The following GAREM1 variants were observed in gnomAD, a reference collection of about 807,000 sequenced individuals.
GAREM1 encodes the protein GRB2-associated and regulator of MAPK protein 1.
In GAREM1, 26 loss-of-function variants were observed where a neutral mutation model predicts 71.3. The ratio of observed to expected loss-of-function variants is 0.36; its 90% CI spans 0.27 to 0.51. The LOEUF (loss-of-function observed/expected upper bound fraction) is 0.51, where lower values mean the gene tolerates loss of function less well. Ranked by LOEUF, GAREM1 falls within the 20% of genes least tolerant of loss-of-function variation. GAREM1 has a pLI of 0.95. For missense variants in GAREM1, 1,026 were observed against 1,103.1 expected (o/e 0.93, Z 0.99); for synonymous variants, 440 against 433.2 (o/e 1.02, Z -0.20).
intron 4 of GAREM1, among the ~76,000 whole-genome samples, chr18:32,285,852 C>T (rs1170135783): frequency 6.6e-6 from 1 of 152,136 alleles, no homozygotes; most frequent in Non-Finnish European, 1.5e-5. Flanking sequence ...TTTTTAAAAA[C>T]CCGGTTCTGC....
At chr18:32,284,692 T>C (rs1292696022) in intron 4 of GAREM1, among the ~76,000 whole-genome samples, 3 of 151,846 alleles carry the variant, frequency 2.0e-5, no homozygotes, top group Non-Finnish European at 4.4e-5. Flanking sequence ...ATGAAATACA[T>C]AGCTGAATTA....
rs147290662 is a variant in GAREM1, at chr18:32,287,728, T to G, written c.869A>C (p.Asn290Thr). ...TVVVCCVLRN[N>T]KILPMHFPLH... Reference sequence around the variant, plus strand: ...AGGAAAGTGCATGGGGAGGATCTTGTTGTTCCGCAGCACACAGCAAACCAC... The same window carrying G: ...AGGAAAGTGCATGGGGAGGATCTTGGTGTTCCGCAGCACACAGCAAACCAC... Residue 290 changes from asparagine (N) to threonine (T), a missense_variant, in exon 4 of 6, where the codon AAC becomes ACC. Coordinates refer to ENST00000269209, the MANE Select transcript of GAREM1 (RefSeq NM_001242409.2). This position sits in a 1 kb window ranked among gnomAD's most constrained non-coding sequence, Gnocchi z 5.9. 6.2e-7 allele frequency: 1 copy of G among 1,613,960 alleles called. No homozygotes were observed. Among genetic ancestry groups the G allele is most frequent in the Admixed American group, 1.7e-5 (1 of 59,982 alleles).
chr18:32,469,201 T>G (rs2049026716), intron 1 of GAREM1, among the ~76,000 whole-genome samples: 1 of 152,082 alleles, frequency 6.6e-6, no homozygotes, highest in Non-Finnish European at 1.5e-5. Flanking sequence ...AAAACTCCTT[T>G]GTGTATGTAT....
In GAREM1 at chr18:32,267,972, C is replaced by G. The variant is rs761135937; in HGVS notation, c.2530G>C (p.Val844Leu). 5.0e-6 allele frequency: 8 copies of G among 1,614,002 alleles called. No individual in the cohort carries two copies. The highest frequency in any genetic ancestry group is 1.3e-5 in the African/African-American group (1 of 75,040). Residue 844 changes from valine (V) to leucine (L), a missense_variant, in exon 6 of 6, where the codon GTT becomes CTT. Physicochemically the swap from Val to Leu is conservative, Grantham distance 32 (BLOSUM62 1). Coordinates refer to ENST00000269209, the MANE Select transcript of GAREM1 (RefSeq NM_001242409.2). ...VTEKIDGNLL[V>L]QLTEEILSED... ...GAGAGGATTTCTTCCGTTAGCTGAA[C>G]AAGCAGGTTCCCATCAATCTTTTCA...
intron 1 of GAREM1, among the ~76,000 whole-genome samples, chr18:32,405,292 G>A (rs779392732): frequency 4.6e-5 from 7 of 151,884 alleles, no homozygotes; most frequent in African/African-American, 1.2e-4. Flanking sequence ...TCCGCCTCCC[G>A]GGTTCAAGTG....
chr18:32,269,993 A>T (rs138507733), intron 5 of GAREM1, among the ~76,000 whole-genome samples: 122 of 152,212 alleles, frequency 8.0e-4, no homozygotes, highest in African/African-American at 2.8e-3. Context: ...AATTTCTCAG[A>T]CTGGTGTGGC....
At chr18:32,408,481 T>C (rs1184410482) in intron 1 of GAREM1, among the ~76,000 whole-genome samples, 3 of 152,190 alleles carry the variant, frequency 2.0e-5, no homozygotes, top group Non-Finnish European at 4.4e-5. Flanking sequence ...AAAAAAATTG[T>C]GAGGAATACA....
At chr18:32,356,413 T>C (rs572329227) in intron 2 of GAREM1, among the ~76,000 whole-genome samples, 6 of 152,336 alleles carry the variant, frequency 3.9e-5, no homozygotes, top group Non-Finnish European at 8.8e-5. Flanking sequence ...ACAAATATCA[T>C]TTTTTAGCTC....
intron 4 of GAREM1, among the ~76,000 whole-genome samples, chr18:32,275,758 A>G (rs1454013228): frequency 4.6e-5 from 7 of 152,024 alleles, no homozygotes; most frequent in African/African-American, 1.7e-4. Context: ...AGCTCACCGC[A>G]ACCTCCGCCT....
Position 32,467,065 on chromosome 18 carries a change from G to A in GAREM1, c.121+3243C>T, listed in dbSNP as rs181916558. Among the ~76,000 whole-genome samples the A allele has an allele frequency of 2.8e-3, 429 of 152,264 alleles. 3 individuals are homozygous for A. Among genetic ancestry groups the A allele is most frequent in the Non-Finnish European group, 7.2e-4 (49 of 68,022 alleles). On this transcript the variant is annotated intron_variant, in intron 1 of 5. Coordinates refer to ENST00000269209, the MANE Select transcript of GAREM1 (RefSeq NM_001242409.2). ...AATTGGAGAGTTCTTTATATATTGT[G>A]TAGTGAATATTCATTCTAAGGATGG... is the stretch of plus-strand genomic sequence containing the variant.
chr18:32,381,913 C>T (rs2048101586), intron 2 of GAREM1, among the ~76,000 whole-genome samples: 2 of 152,130 alleles, frequency 1.3e-5, no homozygotes, highest in African/African-American at 2.4e-5. Context: ...ACCTGAAGGC[C>T]TCCCACTCCT....
intron 2 of GAREM1, among the ~76,000 whole-genome samples, chr18:32,323,648 G>A (rs2047450058): frequency 6.6e-6 from 1 of 152,180 alleles, no homozygotes; most frequent in African/African-American, 2.4e-5. Context: ...GGCAGAGGTT[G>A]CAGTGGGCCA....
chr18:32,438,837 G>A (rs1476645307), intron 1 of GAREM1, among the ~76,000 whole-genome samples: 3 of 152,178 alleles, frequency 2.0e-5, no homozygotes, highest in Non-Finnish European at 4.4e-5. Flanking sequence ...GCCCCTCAAG[G>A]TGACAAATTT....
intron 2 of GAREM1, among the ~76,000 whole-genome samples, chr18:32,333,202 A>AGAG (rs1481530427): frequency 2.7e-5 from 4 of 150,452 alleles, no homozygotes; most frequent in Admixed American, 6.6e-5. Context: ...GAAGAGGGAT[A>AGAG]GAGGAGGAGG....
chr18:32,315,533 G>A (rs1362095476), intron 2 of GAREM1, among the ~76,000 whole-genome samples: 1 of 145,564 alleles, frequency 6.9e-6, no homozygotes. Context: ...ATATATAAAA[G>A]TAGATATATA....
intron 2 of GAREM1, among the ~76,000 whole-genome samples, chr18:32,323,055 T>C (rs111359982): frequency 5.6e-4 from 86 of 152,318 alleles, no homozygotes; most frequent in Admixed American, 1.0e-3. Flanking sequence ...ATTGGTAACA[T>C]TGATAAAAGT....
intron 1 of GAREM1, among the ~76,000 whole-genome samples, chr18:32,468,288 A>G (rs962860476): frequency 3.3e-5 from 5 of 152,224 alleles, no homozygotes; most frequent in African/African-American, 9.6e-5. Flanking sequence ...AGGGGATGAA[A>G]TTACTTGGCA....
At chr18:32,355,898 G>A (rs902682295) in intron 2 of GAREM1, among the ~76,000 whole-genome samples, 18 of 152,148 alleles carry the variant, frequency 1.2e-4, no homozygotes, top group Non-Finnish European at 1.5e-5. Flanking sequence ...ATTAGAGAAG[G>A]CTTATTTTAG....
In GAREM1 at chr18:32,360,458, G is replaced by T. The variant is rs1313792210; in HGVS notation, c.262+32437C>A. Among the ~76,000 whole-genome samples the T allele has an allele frequency of 2.0e-5, 3 of 152,182 alleles. No homozygotes were observed. The East Asian group carries it at 5.8e-4, about 29-fold the overall frequency. On this transcript the variant is annotated intron_variant, in intron 2 of 5. Coordinates refer to ENST00000269209, the MANE Select transcript of GAREM1 (RefSeq NM_001242409.2). ...ATGGAAGTTTCAGGTGCATGAAAGG[G>T]GCTTGTTGACTGGTTAATTTCACTG...
Sources: allele counts gnomAD v4.1 joint callset (sites outside exome capture counted in the v4.1 genomes callset), GRCh38; gene constraint gnomAD v4.1.1; non-coding constraint Gnocchi (gnomAD v3.1); transcripts MANE v1.5; gene names NCBI Gene and HGNC (gene_info 2026-07-23, HGNC 2026-07-21).